The following HSD17B11 variants were observed in gnomAD, a reference collection of about 807,000 sequenced individuals.
HSD17B11 encodes estradiol 17-beta-dehydrogenase 11.
A neutral mutation model predicts 27.8 loss-of-function variants in HSD17B11; 22 were observed. The ratio of observed to expected loss-of-function variants is 0.79; its 90% CI spans 0.56 to 1.13. HSD17B11 has a LOEUF of 1.13. Among genes scored for constraint, HSD17B11 ranks in the 50% most tolerant of loss-of-function variants. HSD17B11 has a pLI of 0.00. For synonymous variants in HSD17B11, 117 were observed against 132.8 expected (o/e 0.88, Z 0.82); for missense variants, 314 against 351.1 (o/e 0.89, Z 0.84).
At chr4:87,389,942 G>A (rs865825611) in intron 1 of HSD17B11, among the ~76,000 whole-genome samples, 1 of 151,978 alleles carries the variant, frequency 6.6e-6, no homozygotes, top group African/African-American at 2.4e-5. Flanking sequence ...AGTATCACAG[G>A]TCAAACGTGG....
chr4:87,341,574 T>G (rs1160837375), intron 5 of HSD17B11, among the ~76,000 whole-genome samples: 1 of 152,170 alleles, frequency 6.6e-6, no homozygotes, highest in Non-Finnish European at 1.5e-5. Flanking sequence ...GGTTTTAGGC[T>G]GGGTGTGACG....
chr4:87,357,517 T>C (rs1735410051), intron 4 of HSD17B11, 101 bp from the exon 5 acceptor site: 2 of 1,097,348 alleles, frequency 1.8e-6, no homozygotes, highest in African/African-American at 3.2e-5. Flanking sequence ...GGGCATTCCC[T>C]GAGTCTCAGG....
intron 1 of HSD17B11, among the ~76,000 whole-genome samples, chr4:87,384,394 T>G (rs978354713): frequency 1.3e-5 from 2 of 152,286 alleles, no homozygotes; most frequent in Non-Finnish European, 2.9e-5. Context: ...ATAACAGTGA[T>G]TTTTAGGGAA....
rs148178501 is a variant in HSD17B11 at position 87,346,381 on chromosome 4, G to A, written c.696-5775C>T. Among the ~76,000 whole-genome samples the A allele has an allele frequency of 1.4e-4, 22 of 152,296 alleles. No individual in the cohort carries two copies. The East Asian group carries it at 4.2e-3, about 29-fold the overall frequency. ...ATAAAAGGATGGGCCGGGTGCGGTG[G>A]CTCACGACTGTAATCCCAACACTTT... On this transcript the variant is annotated intron_variant, in intron 5 of 6. Coordinates refer to ENST00000358290, the MANE Select transcript of HSD17B11 (RefSeq NM_016245.5).
intron 4 of HSD17B11, among the ~76,000 whole-genome samples, chr4:87,364,165 T>C (rs1560763790): frequency 6.8e-6 from 1 of 146,532 alleles, no homozygotes; most frequent in Admixed American, 6.9e-5. Flanking sequence ...TTTGTTTTGT[T>C]TTGTCTTGTT....
intron 4 of HSD17B11, among the ~76,000 whole-genome samples, chr4:87,366,496 G>T (rs535145999): frequency 2.0e-5 from 3 of 152,224 alleles, no homozygotes; most frequent in African/African-American, 7.2e-5. Context: ...ATGTGAAACA[G>T]TGTTTTGCTT....
intron 2 of HSD17B11, among the ~76,000 whole-genome samples, chr4:87,376,256 A>G (rs907663289): frequency 1.3e-5 from 2 of 152,210 alleles, no homozygotes; most frequent in African/African-American, 4.8e-5. Flanking sequence ...CTCTAATCCC[A>G]GCATTTGGGA....
At chr4:87,352,966 G>A (rs1325562737) in intron 5 of HSD17B11, among the ~76,000 whole-genome samples, 2 of 100,586 alleles carry the variant, frequency 2.0e-5, no homozygotes, top group African/African-American at 5.3e-5. Flanking sequence ...GCAATGCCTC[G>A]CCCTGCTTCG....
At position 87,382,325 on chromosome 4, in the gene HSD17B11, A is replaced by T; in HGVS notation, c.248T>A (p.Leu83Gln). ...LEETAAKCKG[L>Q]GAKVHTFVVD... ...CACAAAGGTATGAACCTTGGCACCC[A>T]GTCCCTTGCATTTGGCAGCTGTTTC... is the stretch of plus-strand genomic sequence containing the variant. Residue 83 changes from leucine (L) to glutamine (Q), a missense_variant, in exon 2 of 7, where the codon CTG becomes CAG. Physicochemically the swap from Leu to Gln is moderately radical, Grantham distance 113. Coordinates refer to ENST00000358290, the MANE Select transcript of HSD17B11 (RefSeq NM_016245.5). 6.2e-7 allele frequency: 1 copy of T among 1,614,084 alleles called. No individual in the cohort carries two copies. Among genetic ancestry groups the T allele is most frequent in the East Asian group, 2.2e-5 (1 of 44,882 alleles).
At chr4:87,353,493 A>G (rs1735322914) in intron 5 of HSD17B11, among the ~76,000 whole-genome samples, 1 of 152,220 alleles carries the variant, frequency 6.6e-6, no homozygotes, top group Non-Finnish European at 1.5e-5. Context: ...CTACTTTAGT[A>G]CCAGCTTAGC....
intron 2 of HSD17B11, among the ~76,000 whole-genome samples, chr4:87,375,841 TTC>T (rs1238792327): frequency 2.6e-5 from 4 of 152,360 alleles, no homozygotes; most frequent in South Asian, 4.1e-4. Context: ...TTCTATTTAT[TTC>T]TGTTTATTTT....
chr4:87,380,344 G>T (rs1206204845), intron 2 of HSD17B11, among the ~76,000 whole-genome samples: 1 of 138,770 alleles, frequency 7.2e-6, no homozygotes, highest in Non-Finnish European at 1.6e-5. Flanking sequence ...GTGGTGGCGG[G>T]CATCTGTAAT....
intron 5 of HSD17B11, among the ~76,000 whole-genome samples, chr4:87,346,228 G>C (rs191107769): frequency 2.6e-5 from 4 of 152,114 alleles, no homozygotes; most frequent in Non-Finnish European, 5.9e-5. Context: ...ACGTTCCTTC[G>C]TGATAAAAAC....
intron 4 of HSD17B11, among the ~76,000 whole-genome samples, chr4:87,359,656 A>C (rs528256091): frequency 1.1e-4 from 17 of 152,316 alleles, no homozygotes; most frequent in African/African-American, 4.1e-4. Flanking sequence ...GAGCCACAGT[A>C]CCTGGCCTAT....
chr4:87,374,654 T>A (rs370288278), intron 3 of HSD17B11, 45 bp downstream of exon 3: 1 of 1,565,596 alleles, frequency 6.4e-7, no homozygotes. Context: ...CTTTAATCTT[T>A]GGGATTTTCA....
At chr4:87,369,433 T>TTC (rs35478513) in intron 4 of HSD17B11, among the ~76,000 whole-genome samples, 19 of 106,554 alleles carry the variant, frequency 1.8e-4, no homozygotes, top group Non-Finnish European at 2.2e-4. Flanking sequence ...TTCCAAATTC[T>TTC]TTTTTTTTTT....
At chr4:87,358,606 A>C (rs539070310) in intron 4 of HSD17B11, among the ~76,000 whole-genome samples, 2 of 152,248 alleles carry the variant, frequency 1.3e-5, no homozygotes, top group East Asian at 3.9e-4. Flanking sequence ...GTTGTGGTAT[A>C]ATATATATCA....
At chr4:87,367,424 G>T (rs1735631534) in intron 4 of HSD17B11, among the ~76,000 whole-genome samples, 1 of 152,134 alleles carries the variant, frequency 6.6e-6, no homozygotes, top group Non-Finnish European at 1.5e-5. Flanking sequence ...AGGTATTTAA[G>T]GGTACAAACC....
At chr4:87,384,775 A>G (rs907172841) in intron 1 of HSD17B11, among the ~76,000 whole-genome samples, 24 of 144,522 alleles carry the variant, frequency 1.7e-4, no homozygotes, top group Non-Finnish European at 2.6e-4. Context: ...TATCAAGACA[A>G]TATGTGCACC....
Sources: gnomAD v4.1 joint callset for allele counts (sites outside exome capture counted in the v4.1 genomes callset) on GRCh38, gnomAD v4.1.1 for gene constraint, MANE v1.5 for transcripts, NCBI Gene and HGNC (gene_info 2026-07-23, HGNC 2026-07-21) for gene names.